Variants in NDUFAF6 observed in about 807,000 individuals in gnomAD.
The protein encoded by NDUFAF6 is NADH:ubiquinone oxidoreductase complex assembly factor 6, also known as NADH dehydrogenase (ubiquinone) complex I, assembly factor 6.
A neutral mutation model predicts 40.8 loss-of-function variants in NDUFAF6; 45 were observed. That is an observed-to-expected ratio of 1.10 (90% CI 0.87 to 1.42). The LOEUF (loss-of-function observed/expected upper bound fraction) is 1.42. NDUFAF6 is among the 40% of genes most tolerant of loss of function. NDUFAF6 has a pLI of 0.00. For synonymous variants in NDUFAF6, 185 were observed against 155.9 expected (o/e 1.19, Z -1.39); for missense variants, 435 against 418.5 (o/e 1.04, Z -0.34).
intron 7 of NDUFAF6, among the ~76,000 whole-genome samples, chr8:95,050,325 G>A (rs376444637): frequency 6.6e-6 from 1 of 152,216 alleles, no homozygotes; most frequent in Non-Finnish European, 1.5e-5. Context: ...TGGGTTATGC[G>A]AAACATGGTC....
intron 4 of NDUFAF6, among the ~76,000 whole-genome samples, chr8:95,110,048 T>C (rs1327291713): frequency 6.6e-6 from 1 of 152,222 alleles, no homozygotes; most frequent in Non-Finnish European, 1.5e-5. Flanking sequence ...ATCCATTATG[T>C]GTTATCTGTG....
intron 2 of NDUFAF6, among the ~76,000 whole-genome samples, chr8:95,002,297 T>G (rs1291767344): frequency 6.6e-6 from 1 of 152,244 alleles, no homozygotes; most frequent in Non-Finnish European, 1.5e-5. Flanking sequence ...TCATTTTCTA[T>G]TCAGGCCAAG....
intron 1 of NDUFAF6, among the ~76,000 whole-genome samples, chr8:95,029,868 C>T (rs530329239): frequency 3.9e-5 from 6 of 152,138 alleles, no homozygotes; most frequent in Admixed American, 1.3e-4. Flanking sequence ...CCTCTTACTA[C>T]GTGGTTGAAA....
At chr8:94,954,686 C>T (rs1822923270), upstream of NDUFAF6, among the ~76,000 whole-genome samples, 1 of 152,030 alleles carries the variant, frequency 6.6e-6, no homozygotes, top group South Asian at 2.1e-4. Context: ...CTTTGCTGTG[C>T]TTAAGAGCAG....
chr8:94,973,272 T>C lies in NDUFAF6; in HGVS notation c.-198-7587T>C, dbSNP rs553646067. On this transcript the variant is annotated intron_variant, in intron 1 of 9. Transcript: ENST00000396111. ...TTTTTCCTTATCTGTAAAATGGAGA[T>C]GATAGGACCTCCAGCCTGGGTGACA... Among the ~76,000 whole-genome samples the C allele has an allele frequency of 8.9e-4, 135 of 152,276 alleles. 6 individuals are homozygous for C. The highest frequency in any genetic ancestry group is 6.6e-4 in the Non-Finnish European group (45 of 68,018).
At chr8:95,026,202 A>G (rs566064174) in intron 1 of NDUFAF6, among the ~76,000 whole-genome samples, 67 of 152,202 alleles carry the variant, frequency 4.4e-4, no homozygotes, top group Middle Eastern at 6.8e-3. Context: ...CGCGGTGGCT[A>G]CACGCCTGTA....
chr8:94,913,279 C>T (rs948445844), intron 1 of NDUFAF6, among the ~76,000 whole-genome samples: 13 of 152,120 alleles, frequency 8.5e-5, no homozygotes, highest in African/African-American at 1.2e-4. Flanking sequence ...TTTAAGGACT[C>T]GTTGCCCCCC....
At chr8:94,980,434 GT>G (rs1044902981) in intron 1 of NDUFAF6, among the ~76,000 whole-genome samples, 3 of 137,350 alleles carry the variant, frequency 2.2e-5, no homozygotes, top group Non-Finnish European at 4.7e-5. Context: ...GTCAACTGTG[GT>G]TTTTTTGTTT....
downstream of NDUFAF6, among the ~76,000 whole-genome samples, chr8:95,077,576 G>C (rs867800257): frequency 2.0e-5 from 3 of 152,284 alleles, no homozygotes; most frequent in Middle Eastern, 6.8e-3. Flanking sequence ...AACTTACAAA[G>C]TCTTTATGTC....
At chr8:94,913,056 C>G (rs1385093353) in intron 1 of NDUFAF6, among the ~76,000 whole-genome samples, 1 of 152,156 alleles carries the variant, frequency 6.6e-6, no homozygotes, top group Non-Finnish European at 1.5e-5. Context: ...AGTCATTTTT[C>G]TAAGGAAAAC....
chr8:94,911,977 G>A (rs1586625144), intron 1 of NDUFAF6, among the ~76,000 whole-genome samples: 1 of 152,190 alleles, frequency 6.6e-6, no homozygotes, highest in East Asian at 1.9e-4. Context: ...TAATGACAGT[G>A]CTGCATTATT....
intron 1 of NDUFAF6, among the ~76,000 whole-genome samples, chr8:94,973,642 A>G (rs1214880205): frequency 6.7e-6 from 1 of 149,160 alleles, no homozygotes; most frequent in Non-Finnish European, 1.5e-5. Context: ...TGGGAGGTGG[A>G]GGTTGCAGTG....
At chr8:95,026,948 A>AG (rs111706350) in intron 1 of NDUFAF6, among the ~76,000 whole-genome samples, 21,269 of 152,096 alleles carry the variant, frequency 0.14, 1,487 homozygotes, top group Middle Eastern at 0.24. Context: ...TGCGAGGCTG[A>AG]GGCGGGAGGA....
At chr8:95,070,732 G>A (rs1832821869) in intron 9 of NDUFAF6, among the ~76,000 whole-genome samples, 1 of 152,150 alleles carries the variant, frequency 6.6e-6, no homozygotes, top group Non-Finnish European at 1.5e-5. Context: ...CACACATAAG[G>A]ATTATAATAT....
chr8:95,066,797 A>G (rs1392057092), intron 9 of NDUFAF6: 1 of 152,234 alleles, frequency 6.6e-6, no homozygotes, highest in Non-Finnish European at 1.5e-5. Flanking sequence ...GACACATTCC[A>G]TAGCTCTGAA....
chr8:94,903,015 T>G (rs976558543), intron 1 of NDUFAF6, among the ~76,000 whole-genome samples: 4 of 152,092 alleles, frequency 2.6e-5, no homozygotes, highest in African/African-American at 9.7e-5. Flanking sequence ...ATTCATTTCT[T>G]TTGAACATAT....
chr8:94,942,038 C>CTT (rs547276041), intron 1 of NDUFAF6, among the ~76,000 whole-genome samples: 74 of 144,500 alleles, frequency 5.1e-4, no homozygotes, highest in Admixed American at 1.1e-3. Flanking sequence ...ACCCTTCACG[C>CTT]TTTTTTTTTT....
At chr8:95,020,654 C>G (rs1033448795), upstream of NDUFAF6, among the ~76,000 whole-genome samples, 4 of 152,194 alleles carry the variant, frequency 2.6e-5, no homozygotes, top group African/African-American at 9.7e-5. Context: ...ATTTCCGGTG[C>G]CAAAAAACTT....
intron 2 of NDUFAF6, among the ~76,000 whole-genome samples, chr8:95,101,510 C>G (rs557028452): frequency 6.6e-6 from 1 of 152,152 alleles, no homozygotes; most frequent in Non-Finnish European, 1.5e-5. Flanking sequence ...TGCTGGAAGG[C>G]TCTTCCTCAT....
Sources: gnomAD v4.1 joint callset for allele counts (sites outside exome capture counted in the v4.1 genomes callset) on GRCh38, gnomAD v4.1.1 for gene constraint, MANE v1.5 for transcripts, NCBI Gene and HGNC (gene_info 2026-07-23, HGNC 2026-07-21) for gene names.